Variants in COPB1 observed in about 807,000 individuals in gnomAD.
The protein encoded by COPB1 is coatomer subunit beta.
In COPB1, 21 loss-of-function variants were observed where a neutral mutation model predicts 108.7. The observed-to-expected ratio is 0.19, with a 90% confidence interval of 0.14 to 0.28. The LOEUF (loss-of-function observed/expected upper bound fraction) is 0.28, where lower values mean the gene tolerates loss of function less well. COPB1 is among the 10% of genes least tolerant of loss of function. COPB1 has a pLI of 1.00. For missense variants in COPB1, 919 were observed against 1,141.3 expected (o/e 0.81, Z 2.81); for synonymous variants, 378 against 386.8 (o/e 0.98, Z 0.27).
At chr11:14,494,023 A>T (rs1850966605) in intron 3 of COPB1, among the ~76,000 whole-genome samples, 187 bp downstream of exon 3, 1 of 152,204 alleles carries the variant, frequency 6.6e-6, no homozygotes, top group South Asian at 2.1e-4. Flanking sequence ...ATATATACAC[A>T]TAAAATGCAT....
chr11:14,475,217 G>A (rs1423398817), intron 13 of COPB1, among the ~76,000 whole-genome samples: 3 of 150,960 alleles, frequency 2.0e-5, no homozygotes, highest in South Asian at 2.1e-4. Context: ...AAGTACCTCC[G>A]AATTCCAGCT....
At chr11:14,486,147 G>A (rs776996783) in intron 7 of COPB1, among the ~76,000 whole-genome samples, 1 of 152,166 alleles carries the variant, frequency 6.6e-6, no homozygotes, top group Non-Finnish European at 1.5e-5. Flanking sequence ...GAGGTTAACT[G>A]TACTGTCATT....
intron 16 of COPB1, among the ~76,000 whole-genome samples, chr11:14,467,905 T>G (rs1850318830): frequency 6.6e-6 from 1 of 152,108 alleles, no homozygotes; most frequent in South Asian, 2.1e-4. Context: ...GAAGTAGGAA[T>G]GACGAGTTAT....
At chr11:14,485,472 C>A (rs111256821) in intron 7 of COPB1, among the ~76,000 whole-genome samples, 1 of 152,142 alleles carries the variant, frequency 6.6e-6, no homozygotes, top group Non-Finnish European at 1.5e-5. Flanking sequence ...CAGCCACGCA[C>A]GTAACTTTTG....
chr11:14,464,971 T>C lies in COPB1; in HGVS notation c.2350A>G (p.Asn784Asp). 6.2e-7 allele frequency: 1 copy of C among 1,613,682 alleles called. No homozygotes were observed. Among genetic ancestry groups the C allele is most frequent in the Non-Finnish European group, 8.5e-7 (1 of 1,179,908 alleles). ...GCTACTTTGACGTTAGCTTTAATATTTGCGAAGTCATGAGGAGCAAGAGTC... is the reference window on the plus strand; with the variant it reads ...GCTACTTTGACGTTAGCTTTAATATCTGCGAAGTCATGAGGAGCAAGAGTC... The part of the protein sequence containing the change: ...PLTLAPHDFA[N>D]IKANVKVAST... Residue 784 changes from asparagine to aspartate, a missense_variant, in exon 18 of 22, where the codon AAT becomes GAT. Asn to Asp is a conservative substitution (Grantham distance 23). Around this residue, in one of 5 missense-constraint regions of COPB1, gnomAD observed 705 missense variants for 817.8 expected, o/e 0.86. Coordinates refer to ENST00000439561, the MANE Select transcript of COPB1 (RefSeq NM_001144061.2).
chr11:14,478,285 T>G (rs1172675470), intron 11 of COPB1, among the ~76,000 whole-genome samples: 1 of 151,540 alleles, frequency 6.6e-6, no homozygotes, highest in East Asian at 2.0e-4. Flanking sequence ...AGAAATGTAT[T>G]ATTTTATGGC....
chr11:14,493,237 T>C (rs1850947512), intron 4 of COPB1, among the ~76,000 whole-genome samples: 1 of 152,196 alleles, frequency 6.6e-6, no homozygotes, highest in Non-Finnish European at 1.5e-5. Context: ...ATTTAAAAAG[T>C]TCCTTCCTCA....
rs1211470599 is a variant in COPB1, at chr11:14,468,844, C to T, written c.1982G>A (p.Arg661Lys). Residue 661 changes from arginine (R) to lysine (K), a missense_variant, in exon 16 of 22, where the codon AGG becomes AAG. This residue lies in a region of COPB1 where 705 missense variants were observed against 817.8 expected (regional missense o/e 0.86). Coordinates refer to ENST00000439561, the MANE Select transcript of COPB1 (RefSeq NM_001144061.2). ...KLSQKKESEK[R>K]NVTVQPDDPI... is the part of the protein sequence containing the mutation. The stretch of plus-strand genomic sequence containing the variant: ...GTCATCAGGCTGTACTGTCACATTC[C>T]TCTTTTCAGATTCTTTCTGTGTTGA... 1.2e-6 allele frequency: 2 copies of T among 1,613,630 alleles called. No homozygotes were observed. Among genetic ancestry groups the T allele is most frequent in the South Asian group, 2.2e-5 (2 of 91,024 alleles).
At chr11:14,478,311 A>G (rs1244605256) in intron 11 of COPB1, among the ~76,000 whole-genome samples, 1 of 151,542 alleles carries the variant, frequency 6.6e-6, no homozygotes, top group East Asian at 2.0e-4. Flanking sequence ...ACTGTGGCTC[A>G]CACCTGTAAT....
At chr11:14,458,801 T>TC in intron 20 of COPB1, 114 bp from the exon 21 acceptor site, 1 of 980,808 alleles carries the variant, frequency 1.0e-6, no homozygotes, top group Non-Finnish European at 1.4e-6. Flanking sequence ...TCTCACTCTG[T>TC]TGTCCAGCTT....
intron 12 of COPB1, among the ~76,000 whole-genome samples, chr11:14,476,244 G>A (rs1459264888): frequency 1.3e-5 from 2 of 152,182 alleles, no homozygotes; most frequent in Non-Finnish European, 2.9e-5. Context: ...ATAGAAAAAT[G>A]CATTGGACAG....
intron 18 of COPB1, among the ~76,000 whole-genome samples, chr11:14,461,748 C>T (rs1485632133): frequency 6.6e-6 from 1 of 152,184 alleles, no homozygotes; most frequent in Non-Finnish European, 1.5e-5. Context: ...ATAGGAGGTA[C>T]TTAACTAATA....
intron 6 of COPB1, among the ~76,000 whole-genome samples, chr11:14,487,157 C>T (rs1348639808): frequency 1.3e-5 from 2 of 152,156 alleles, no homozygotes; most frequent in Non-Finnish European, 2.9e-5. Context: ...CTAAATGTAT[C>T]CTGATACCTT....
In COPB1 at chr11:14,488,441, C is replaced by T. The variant is rs1850823404; in HGVS notation, c.699+51G>A. The T allele has an allele frequency of 2.7e-6, 3 of 1,107,090 alleles. No homozygotes were observed. In the African/African-American group the frequency reaches 4.7e-5, roughly 17 times the overall value. The allele number at this position is 1,107,090 out of a possible 1,614,324, so 68.6% of individuals were successfully genotyped here. A position where few individuals can be genotyped will look rare whatever the true frequency, so the allele number is the denominator to read the frequency against. On this transcript the variant is annotated intron_variant, in intron 6 of 21. Transcript: ENST00000439561. Reference sequence around the variant, plus strand: ...TATCCCAGAAAGAAAGTATTTAACCCTGTCTTAAACTGCTGAGTTTATTTT... The same window carrying T: ...TATCCCAGAAAGAAAGTATTTAACCTTGTCTTAAACTGCTGAGTTTATTTT...
At chr11:14,463,742 T>C (rs1850217097) in intron 18 of COPB1, among the ~76,000 whole-genome samples, 1 of 152,210 alleles carries the variant, frequency 6.6e-6, no homozygotes, top group Admixed American at 6.5e-5. Context: ...CTAAAGTTTG[T>C]TCTTCTCTCC....
intron 18 of COPB1, among the ~76,000 whole-genome samples, chr11:14,462,922 T>C (rs537494114): frequency 2.3e-4 from 35 of 152,222 alleles, no homozygotes; most frequent in Non-Finnish European, 4.0e-4. Context: ...CTTATTCCTA[T>C]CAAAGCCAAG....
At chr11:14,484,324 T>C (rs1322551603) in intron 7 of COPB1, among the ~76,000 whole-genome samples, 1 of 152,018 alleles carries the variant, frequency 6.6e-6, no homozygotes, top group Non-Finnish European at 1.5e-5. Context: ...AAGCCTGTAG[T>C]TTGGTTAATA....
chr11:14,493,453 C>A lies in COPB1; in HGVS notation c.491+189G>T, dbSNP rs190000099. Among the ~76,000 whole-genome samples the A allele has an allele frequency of 3.9e-3, 597 of 152,256 alleles. 2 individuals are homozygous for A. The highest frequency in any genetic ancestry group is 6.6e-3 in the Non-Finnish European group (447 of 68,016). Reference sequence around the variant, plus strand: ...TTATACAAGTTCAGCAGAATGTTGTCTTGTGGAAGCTAGGAACAGCGCTGC... The same window carrying A: ...TTATACAAGTTCAGCAGAATGTTGTATTGTGGAAGCTAGGAACAGCGCTGC... On this transcript the variant is annotated intron_variant, in intron 4 of 21. Coordinates refer to ENST00000439561, the MANE Select transcript of COPB1 (RefSeq NM_001144061.2).
chr11:14,462,142 G>A (rs1461557346), intron 18 of COPB1, among the ~76,000 whole-genome samples: 4 of 151,230 alleles, frequency 2.6e-5, no homozygotes, highest in African/African-American at 9.7e-5. Flanking sequence ...ACAGAAGGCT[G>A]ACTATATTTG....
Sources: gnomAD v4.1 joint callset for allele counts (sites outside exome capture counted in the v4.1 genomes callset) on GRCh38, gnomAD v4.1.1 for gene constraint, gnomAD v4.1.1 regional missense constraint, MANE v1.5 for transcripts, NCBI Gene and HGNC (gene_info 2026-07-23, HGNC 2026-07-21) for gene names.